Variants in HNRNPUL1 observed in about 807,000 individuals in gnomAD.
HNRNPUL1 encodes heterogeneous nuclear ribonucleoprotein U-like protein 1.
Under a neutral mutation model 108.5 loss-of-function variants are expected in HNRNPUL1, and 14 were observed. That is an observed-to-expected ratio of 0.13 (90% CI 0.09 to 0.20). The LOEUF (loss-of-function observed/expected upper bound fraction) is 0.20. HNRNPUL1 is among the 10% of genes least tolerant of loss of function. The probability of loss-of-function intolerance (pLI) is 1.00; values close to 1 mark genes in which losing one functional copy is unlikely to be tolerated. For missense variants in HNRNPUL1, 804 were observed against 1,168.3 expected, an observed-to-expected ratio of 0.69 and a Z score of 4.55; for synonymous variants, 422 against 445.2, an observed-to-expected ratio of 0.95 and a Z score of 0.66.
At chr19:41,293,758 A>G (rs1179420534) in intron 8 of HNRNPUL1, among the ~76,000 whole-genome samples, 1 of 152,104 alleles carries the variant, frequency 6.6e-6, no homozygotes. Context: ...GCACTTTGGG[A>G]GGCCAAGAAG....
intron 1 of HNRNPUL1, chr19:41,265,420 A>G (rs887814366): frequency 6.9e-7 from 1 of 1,444,228 alleles, no homozygotes; most frequent in African/African-American, 1.4e-5. Flanking sequence ...AGTGCTTTGG[A>G]GTTTGGCTAG....
At position 41,301,536 on chromosome 19, in the gene HNRNPUL1, A is replaced by G. The variant is rs1301282465; in HGVS notation, c.1519A>G (p.Thr507Ala). The G allele has an allele frequency of 6.2e-7, 1 of 1,609,844 alleles. No homozygotes were observed. Among genetic ancestry groups the G allele is most frequent in the Non-Finnish European group, 8.5e-7 (1 of 1,178,622 alleles). Residue 507 changes from threonine to alanine, a missense_variant and splice_region_variant, in exon 11 of 15, where the codon ACA becomes GCA. Around this residue, in one of 4 missense-constraint regions of HNRNPUL1, gnomAD observed 80 missense variants for 221.8 expected, o/e 0.36. Transcript: ENST00000392006. ...RKKRNYILDQ[T>A]NVYGSAQRRK... ...GCCTCTTCTGTTACCTTACCCTTAG[A>G]CAAATGTTTATGGGTCAGCCCAGAG... is the stretch of plus-strand genomic sequence containing the variant.
intron 7 of HNRNPUL1, among the ~76,000 whole-genome samples, chr19:41,287,262 C>T (rs1345256116): frequency 1.3e-5 from 2 of 152,128 alleles, no homozygotes; most frequent in Non-Finnish European, 1.5e-5. Context: ...GATCCGCCCA[C>T]CTCGGCCTCC....
rs200098362 is a variant in HNRNPUL1, at chr19:41,272,375, C to T, written c.572+140C>T. 359 of 860,162 alleles carry T rather than the reference C, an allele frequency of 4.2e-4. 4 individuals are homozygous for T. The South Asian group carries it at 6.1e-3, about 15-fold the overall frequency. 53.3% of individuals were successfully genotyped at this position (860,162 alleles called of 1,614,324 possible). ...CTTTCACACTCTTCCTGTCCCTTCC[C>T]GTACTTGCTACCAGATTCAGCTTTC... is the stretch of plus-strand genomic sequence containing the variant. On this transcript the variant is annotated intron_variant, in intron 3 of 14. Coordinates refer to ENST00000392006, the MANE Select transcript of HNRNPUL1 (RefSeq NM_007040.6).
rs375853564 is a variant in HNRNPUL1 at position 41,302,897 on chromosome 19, C to A, written c.1920C>A (p.Gly640=). Residue 640 remains glycine, a synonymous_variant, in exon 12 of 15, where the codon GGC becomes GGA. Coordinates refer to ENST00000392006, the MANE Select transcript of HNRNPUL1 (RefSeq NM_007040.6). ...GAGGACCCCCTGGAGGCAACCGTGG[C>A]GGCTTCCAGAACCGAGGGGGAGGCA... ...ENRGPPGGNR[G]GFQNRGGGSG... is the part of the protein sequence containing the mutation. The A allele has an allele frequency of 1.3e-6, 2 of 1,540,762 alleles. No homozygotes were observed. Among genetic ancestry groups the A allele is most frequent in the South Asian group, 2.5e-5 (2 of 79,424 alleles).
At chr19:41,282,209 T>C (rs2122657841) in intron 7 of HNRNPUL1, among the ~76,000 whole-genome samples, 1 of 152,254 alleles carries the variant, frequency 6.6e-6, no homozygotes, top group Non-Finnish European at 1.5e-5. Flanking sequence ...GAGATGAGTT[T>C]TTTGCTCTTG....
At chr19:41,275,376 G>T (rs1402914951) in intron 4 of HNRNPUL1, among the ~76,000 whole-genome samples, 1 of 152,104 alleles carries the variant, frequency 6.6e-6, no homozygotes, top group Admixed American at 6.5e-5. Context: ...AGTCCCAGCT[G>T]TTCAGGAGGC....
chr19:41,290,508 C>A lies in HNRNPUL1; in HGVS notation c.1000-1737C>A, dbSNP rs532215916. Among the ~76,000 whole-genome samples, 6 of 152,224 alleles carry A rather than the reference C, an allele frequency of 3.9e-5. No individual in the cohort carries two copies. In the South Asian group the frequency reaches 1.2e-3, roughly 32 times the overall value. On this transcript the variant is annotated intron_variant, in intron 7 of 14. Transcript: ENST00000392006. ...AGAGTCCCTCACATGCCGAGGTAGG[C>A]CGTGTCCCCTCCCACCACTTCAGTC... is the stretch of plus-strand genomic sequence containing the variant.
Position 41,264,429 on chromosome 19 carries a change from G to A in HNRNPUL1, c.-75G>A. The A allele has an allele frequency of 8.1e-7, 1 of 1,232,350 alleles. No individual in the cohort carries two copies. The allele number at this position is 1,232,350 out of a possible 1,614,324, so 76.3% of individuals were successfully genotyped here. A position where few individuals can be genotyped will look rare whatever the true frequency, so the allele number is the denominator to read the frequency against. ...CCCCCCCTTTCCCCCTTCGCCTCCTGACAGGAAAGGTTTAAGGGGGACAGA... is the reference window on the plus strand; with the variant it reads ...CCCCCCCTTTCCCCCTTCGCCTCCTAACAGGAAAGGTTTAAGGGGGACAGA... On this transcript the variant is annotated 5_prime_UTR_variant, in exon 1 of 15. Transcript: ENST00000392006.
intron 1 of HNRNPUL1, among the ~76,000 whole-genome samples, chr19:41,267,861 A>G (rs1370926311): frequency 2.0e-5 from 3 of 152,218 alleles, no homozygotes; most frequent in South Asian, 2.1e-4. Flanking sequence ...CCCCAGTAAC[A>G]TTCTCCATTC....
At chr19:41,284,323 A>G (rs1232638452) in intron 7 of HNRNPUL1, among the ~76,000 whole-genome samples, 1 of 152,206 alleles carries the variant, frequency 6.6e-6, no homozygotes, top group Non-Finnish European at 1.5e-5. Flanking sequence ...CGAAGCCATC[A>G]CTACTGCTGT....
At chr19:41,297,286 G>C (rs923640303) in intron 10 of HNRNPUL1, among the ~76,000 whole-genome samples, 1 of 152,224 alleles carries the variant, frequency 6.6e-6, no homozygotes, top group African/African-American at 2.4e-5. Flanking sequence ...GCCATGGTGG[G>C]AATTTGGGGA....
chr19:41,264,223 C>A (rs75044688), upstream of HNRNPUL1: 920 of 337,248 alleles, frequency 2.7e-3, 10 homozygotes, highest in African/African-American at 0.018. Context: ...CCCAGTAGCT[C>A]CTAGGCCTTC....
chr19:41,302,410 G>A, intron 11 of HNRNPUL1: 1 of 505,956 alleles, frequency 2.0e-6, no homozygotes. Context: ...GTAGAGATGG[G>A]GTTTTGCCAT....
At chr19:41,267,640 G>A (rs2034931680) in intron 1 of HNRNPUL1, among the ~76,000 whole-genome samples, 1 of 152,202 alleles carries the variant, frequency 6.6e-6, no homozygotes, top group Admixed American at 6.5e-5. Context: ...TGGCAGAATA[G>A]TCTCTCCTTC....
At chr19:41,301,735 C>T in intron 11 of HNRNPUL1, 31 bp downstream of exon 11, 1 of 1,588,412 alleles carries the variant, frequency 6.3e-7, no homozygotes, top group South Asian at 1.1e-5. Flanking sequence ...AGAGGAACGT[C>T]AATGCAGGGT....
intron 12 of HNRNPUL1, 95 bp from the exon 13 acceptor site, chr19:41,303,877 C>A: frequency 6.9e-7 from 1 of 1,457,314 alleles, no homozygotes; most frequent in Non-Finnish European, 9.3e-7. Context: ...CTGCGCCTGG[C>A]CATGCCGGCT....
chr19:41,289,714 T>TTC (rs1491195890), intron 7 of HNRNPUL1, among the ~76,000 whole-genome samples: 1 of 60,816 alleles, frequency 1.6e-5, no homozygotes, highest in Non-Finnish European at 3.0e-5. Flanking sequence ...CTCCATGGTC[T>TTC]TTTTTTTTTT....
chr19:41,284,445 C>T lies in HNRNPUL1; in HGVS notation c.999+3170C>T, dbSNP rs147813514. Among the ~76,000 whole-genome samples, 335 of 152,256 alleles carry T rather than the reference C, an allele frequency of 2.2e-3. 2 individuals carry two copies. Among genetic ancestry groups the T allele is most frequent in the African/African-American group, 7.6e-3 (316 of 41,544 alleles). On this transcript the variant is annotated intron_variant, in intron 7 of 14. Coordinates refer to ENST00000392006, the MANE Select transcript of HNRNPUL1 (RefSeq NM_007040.6). ...CTTTGGGAGGCCAAGGTGGGCAGAT[C>T]GCTTGAGCCCAGGAGTTCAAGACCA...
Sources: gnomAD v4.1 joint callset for allele counts (sites outside exome capture counted in the v4.1 genomes callset) on GRCh38, gnomAD v4.1.1 for gene constraint, gnomAD v4.1.1 regional missense constraint, MANE v1.5 for transcripts, NCBI Gene and HGNC (gene_info 2026-07-23, HGNC 2026-07-21) for gene names.